KIAA1328: variants seen among roughly 807,000 people sequenced by gnomAD.
KIAA1328 encodes the protein protein hinderin.
Under a neutral mutation model 68.1 loss-of-function variants are expected in KIAA1328, and 52 were observed. The ratio of observed to expected loss-of-function variants is 0.76; its 90% CI spans 0.61 to 0.96. The LOEUF (loss-of-function observed/expected upper bound fraction) is 0.96. Ranked by LOEUF, KIAA1328 falls within the 40% of genes least tolerant of loss-of-function variation. The probability of loss-of-function intolerance (pLI) is 0.00; values close to 1 mark genes in which losing one functional copy is unlikely to be tolerated. For missense variants in KIAA1328, 641 were observed against 677.6 expected (o/e 0.95, Z 0.60); for synonymous variants, 232 against 239.4 (o/e 0.97, Z 0.28).
At chr18:36,946,895 G>A (rs866769098) in intron 5 of KIAA1328, among the ~76,000 whole-genome samples, 1 of 152,124 alleles carries the variant, frequency 6.6e-6, no homozygotes, top group Non-Finnish European at 1.5e-5. Flanking sequence ...GAGATGACAA[G>A]CATAAAAATG....
chr18:36,835,519 T>C, intron 3 of KIAA1328, 143 bp downstream of exon 3: 2 of 841,224 alleles, frequency 2.4e-6, no homozygotes, highest in South Asian at 2.1e-5. Context: ...GATCCTTTGA[T>C]GATGCCAGGT....
At chr18:37,199,751 G>A (rs1215748497) in intron 9 of KIAA1328, among the ~76,000 whole-genome samples, 1 of 152,078 alleles carries the variant, frequency 6.6e-6, no homozygotes, top group African/African-American at 2.4e-5. Flanking sequence ...AACCTCACCA[G>A]CATCTATTAT....
intron 4 of KIAA1328, among the ~76,000 whole-genome samples, chr18:36,858,381 A>G (rs2047448858): frequency 6.6e-6 from 1 of 152,178 alleles, no homozygotes; most frequent in Non-Finnish European, 1.5e-5. Flanking sequence ...TTATCTTGAA[A>G]TAATTTTAGA....
intron 7 of KIAA1328, among the ~76,000 whole-genome samples, chr18:37,084,817 C>T (rs911792900): frequency 6.6e-6 from 1 of 152,110 alleles, no homozygotes; most frequent in South Asian, 2.1e-4. Flanking sequence ...AATCTTTTTA[C>T]GATCCTTGAT....
chr18:37,212,749 T>C (rs950092656), intron 9 of KIAA1328, among the ~76,000 whole-genome samples: 1 of 152,136 alleles, frequency 6.6e-6, no homozygotes, highest in Non-Finnish European at 1.5e-5. Flanking sequence ...GAGATGGAGT[T>C]TCACTCTGTC....
chr18:36,871,121 C>T (rs944966756), intron 4 of KIAA1328, among the ~76,000 whole-genome samples: 4 of 152,104 alleles, frequency 2.6e-5, no homozygotes, highest in Non-Finnish European at 2.9e-5. Flanking sequence ...GAATATCTGG[C>T]CCACGTGAAG....
intron 7 of KIAA1328, among the ~76,000 whole-genome samples, chr18:37,084,953 G>T (rs752451277): frequency 2.8e-4 from 43 of 152,182 alleles, no homozygotes; most frequent in Admixed American, 3.3e-4. Context: ...TGTGGAGCCA[G>T]CCCAGCACTG....
intron 6 of KIAA1328, among the ~76,000 whole-genome samples, chr18:37,062,580 G>C (rs7244284): frequency 0.27 from 40,536 of 151,302 alleles, 8,568 homozygotes; most frequent in African/African-American, 0.59. Context: ...CTCAGCCTCC[G>C]GAGTAGCTGG....
chr18:37,085,338 T>C (rs1379309030), intron 7 of KIAA1328, among the ~76,000 whole-genome samples: 1 of 152,158 alleles, frequency 6.6e-6, no homozygotes, highest in Non-Finnish European at 1.5e-5. Context: ...CTCTCTCTAC[T>C]GTGTTGCCAG....
At chr18:37,218,121 A>G (rs1439772499) in intron 9 of KIAA1328, among the ~76,000 whole-genome samples, 2 of 152,244 alleles carry the variant, frequency 1.3e-5, no homozygotes, top group Admixed American at 6.5e-5. Context: ...AAAAGAAGCA[A>G]ATGGTTACAG....
At chr18:36,924,231 T>C (rs2050031823) in intron 5 of KIAA1328, among the ~76,000 whole-genome samples, 1 of 152,124 alleles carries the variant, frequency 6.6e-6, no homozygotes, top group South Asian at 2.1e-4. Flanking sequence ...TTTGAAATAA[T>C]ATTTTGAAAT....
chr18:37,083,748 ATAAT>A (rs1461189677), intron 7 of KIAA1328, among the ~76,000 whole-genome samples: 1 of 152,236 alleles, frequency 6.6e-6, no homozygotes, highest in African/African-American at 2.4e-5. Flanking sequence ...AGGGTCAGTG[ATAAT>A]TAGAGTTACT....
intron 6 of KIAA1328, among the ~76,000 whole-genome samples, chr18:36,982,606 T>A (rs1462205462): frequency 1.3e-5 from 2 of 151,896 alleles, no homozygotes; most frequent in East Asian, 3.9e-4. Flanking sequence ...AAAACATAAT[T>A]ACCAGGAGTC....
intron 6 of KIAA1328, among the ~76,000 whole-genome samples, chr18:37,051,321 GA>G (rs1237979324): frequency 2.0e-5 from 3 of 151,170 alleles, no homozygotes; most frequent in Non-Finnish European, 3.0e-5. Flanking sequence ...GATTAATAAG[GA>G]AAAAAAAGAA....
intron 6 of KIAA1328, among the ~76,000 whole-genome samples, chr18:37,026,071 G>T (rs1258529183): frequency 6.6e-6 from 1 of 152,064 alleles, no homozygotes; most frequent in Non-Finnish European, 1.5e-5. Context: ...AATACAAACT[G>T]CCATCAGAGG....
intron 4 of KIAA1328, among the ~76,000 whole-genome samples, chr18:36,870,020 G>A (rs1270411664): frequency 1.3e-5 from 2 of 151,810 alleles, no homozygotes; most frequent in East Asian, 1.9e-4. Context: ...GCGCCACCAC[G>A]TCCAGCTGAT....
intron 8 of KIAA1328, among the ~76,000 whole-genome samples, chr18:37,167,616 G>A (rs935250875): frequency 8.6e-5 from 13 of 151,920 alleles, no homozygotes; most frequent in Admixed American, 2.0e-4. Context: ...ATGTTCTTCC[G>A]CTCCTCTCGA....
At chr18:36,854,077 A>G (rs1025871923) in intron 4 of KIAA1328, among the ~76,000 whole-genome samples, 22 of 152,166 alleles carry the variant, frequency 1.4e-4, no homozygotes, top group Non-Finnish European at 7.4e-5. Flanking sequence ...GTGGTTATTA[A>G]GGTTAAGTGA....
intron 6 of KIAA1328, among the ~76,000 whole-genome samples, chr18:36,980,654 G>T (rs912270117): frequency 6.6e-6 from 1 of 152,156 alleles, no homozygotes; most frequent in African/African-American, 2.4e-5. Flanking sequence ...AGCTGACATG[G>T]TTTGGCTCTG....
Sources: gnomAD v4.1 joint callset for allele counts (sites outside exome capture counted in the v4.1 genomes callset) on GRCh38, gnomAD v4.1.1 for gene constraint, MANE v1.5 for transcripts, NCBI Gene and HGNC (gene_info 2026-07-23, HGNC 2026-07-21) for gene names.